The following RRAGC variants were observed in gnomAD, a reference collection of about 807,000 sequenced individuals.
The protein encoded by RRAGC is Ras related GTP binding C.
In RRAGC, 8 loss-of-function variants were observed where a neutral mutation model predicts 37.1. The observed-to-expected ratio is 0.22, with a 90% CI of 0.13 to 0.39. The LOEUF is 0.39. Ranked by LOEUF, RRAGC falls within the 10% of genes least tolerant of loss-of-function variation. The pLI is 1.00. For synonymous variants in RRAGC, 190 were observed against 181.1 expected (o/e 1.05, Z -0.39); for missense variants, 342 against 497.6 (o/e 0.69, Z 2.98).
chr1:38,843,475 C>T (rs1301797322), intron 6 of RRAGC, among the ~76,000 whole-genome samples: 1 of 152,186 alleles, frequency 6.6e-6, no homozygotes, highest in South Asian at 2.1e-4. Flanking sequence ...AATCCCAGCA[C>T]TTTGGGAGGC....
chr1:38,856,334 C>G (rs16825606), intron 2 of RRAGC, among the ~76,000 whole-genome samples: 1,890 of 152,270 alleles, frequency 0.012, 60 homozygotes, highest in African/African-American at 0.044. Flanking sequence ...TGAAGGCACC[C>G]TCTGTAGAGC....
Position 38,849,623 on chromosome 1 carries a change from G to A in RRAGC, c.899+1992C>T, listed in dbSNP as rs1365146974. ...GAACTGCTTGAATCCGGGAGGCAGA[G>A]GTTGCAGTGAGCCCAGATCACACCA... On this transcript the variant is annotated intron_variant, in intron 5 of 6. Coordinates refer to ENST00000373001, the MANE Select transcript of RRAGC (RefSeq NM_022157.4). Among the ~76,000 whole-genome samples the A allele has an allele frequency of 2.6e-5, 4 of 152,142 alleles. No homozygotes were observed. In the South Asian group the frequency reaches 6.2e-4, roughly 24 times the overall value.
At chr1:38,852,294 TGGAAAA>T in intron 4 of RRAGC, 74 bp downstream of exon 4, 1 of 829,070 alleles carries the variant, frequency 1.2e-6, no homozygotes, top group Non-Finnish European at 2.1e-6. Flanking sequence ...AAGACTTTTT[TGGAAAA>T]TTTGAAAACA....
intron 6 of RRAGC, among the ~76,000 whole-genome samples, chr1:38,845,066 G>A (rs994298809): frequency 2.0e-5 from 3 of 152,186 alleles, no homozygotes; most frequent in African/African-American, 7.2e-5. Context: ...AGACAGTGTG[G>A]TGATTCCTCA....
At position 38,846,081 on chromosome 1, in the gene RRAGC, C is replaced by T; in HGVS notation, c.906G>A (p.Lys302=). Reference sequence around the variant, plus strand: ...CATAAGCACTTCCACTTCCATCTTCCTTTAACCTATTTTAAAAGAAAGTAC... The same window carrying T: ...CATAAGCACTTCCACTTCCATCTTCTTTTAACCTATTTTAAAAGAAAGTAC... The part of the protein sequence containing the change: ...VIDVSCIYGL[K]EDGSGSAYDK... Residue 302 remains lysine, a synonymous_variant, in exon 6 of 7, where the codon AAG becomes AAA. Transcript: ENST00000373001. 1 of 1,607,078 alleles carries T rather than the reference C, an allele frequency of 6.2e-7. No individual in the cohort carries two copies. Among genetic ancestry groups the T allele is most frequent in the South Asian group, 1.1e-5 (1 of 89,680 alleles).
chr1:38,856,739 C>A, intron 2 of RRAGC, 140 bp downstream of exon 2: 1 of 719,684 alleles, frequency 1.4e-6, no homozygotes, highest in Non-Finnish European at 2.3e-6. Flanking sequence ...AAGCACTCTG[C>A]AACTGCATCT....
At chr1:38,853,590 A>G (rs1325744993) in intron 3 of RRAGC, among the ~76,000 whole-genome samples, 1 of 152,192 alleles carries the variant, frequency 6.6e-6, no homozygotes, top group Non-Finnish European at 1.5e-5. Context: ...TACTAAAAAT[A>G]CAAAAAATTA....
rs779604320 is a variant in RRAGC, at chr1:38,839,643, AC to A, written c.1109del (p.Gly370ValfsTer2). On this transcript the variant is annotated frameshift_variant, in exon 7 of 7. Coordinates refer to ENST00000373001, the MANE Select transcript of RRAGC (RefSeq NM_022157.4). LOFTEE classifies it high-confidence loss of function. ...RKAIHEVFEV[G>X]VTSHRSCGHQ... ...GACCACAGCTCCTGTGAGAAGTCAC[AC>A]CCACCTCAAAAACCTCATGAATAGC... 3 of 1,614,196 alleles carry A rather than the reference AC, an allele frequency of 1.9e-6. No homozygotes were observed. The East Asian group carries it at 6.7e-5, about 36-fold the overall frequency.
chr1:38,839,184 T>C lies in RRAGC; in HGVS notation c.*369A>G, dbSNP rs1223051990. ...AAGTGAAGCATATAAAAATTCAGTCTTTTCTATTATTTTCAACTGGAATTG... is the reference window on the plus strand; with the variant it reads ...AAGTGAAGCATATAAAAATTCAGTCCTTTCTATTATTTTCAACTGGAATTG... On this transcript the variant is annotated 3_prime_UTR_variant, in exon 7 of 7. Coordinates refer to ENST00000373001, the MANE Select transcript of RRAGC (RefSeq NM_022157.4). 1.1e-5 allele frequency: 2 copies of C among 177,662 alleles called. No homozygotes were observed. The highest frequency in any genetic ancestry group is 6.1e-5 in the Admixed American group (1 of 16,392). 11.0% of individuals were successfully genotyped at this position (177,662 alleles called of 1,614,324 possible). A position where few individuals can be genotyped will look rare whatever the true frequency, so the allele number is the denominator to read the frequency against.
Position 38,838,363 on chromosome 1 carries a change from A to G in RRAGC, c.*1190T>C, listed in dbSNP as rs1641908815. 1 of 152,244 alleles carries G rather than the reference A, an allele frequency of 6.6e-6. No homozygotes were observed. The highest frequency in any genetic ancestry group is 1.5e-5 in the Non-Finnish European group (1 of 68,044). The allele number at this position is 152,244 out of a possible 1,614,324, so 9.4% of individuals were successfully genotyped here. A position where few individuals can be genotyped will look rare whatever the true frequency, so the allele number is the denominator to read the frequency against. On this transcript the variant is annotated 3_prime_UTR_variant, in exon 7 of 7. Transcript: ENST00000373001. ...CCAAGTCACACTGTTAGCTTTACAGACCTGAATATACATATTGCATTAAAC... is the reference window on the plus strand; with the variant it reads ...CCAAGTCACACTGTTAGCTTTACAGGCCTGAATATACATATTGCATTAAAC...
At position 38,859,499 on chromosome 1, in the gene RRAGC, C is replaced by A. The variant is rs1041991009; in HGVS notation, c.148G>T (p.Gly50Cys). The change falls in exon 1 of 7, where the codon GGT (glycine) becomes TGT (cysteine). Residue 50 changes from glycine (G) to cysteine (C), a missense_variant. Transcript: ENST00000373001. ...TCAGCGCCCCCCGGACCACAGCCAC[C>A]GCCTGCCCCTGCCCCAACCCCTCCG... Reference protein sequence around the residue: ...AGGGVGAGAGGGCGPGGADSS... With the variant: ...AGGGVGAGAGCGCGPGGADSS... 3.9e-6 allele frequency: 6 copies of A among 1,547,724 alleles called. No homozygotes were observed. The African/African-American group carries it at 8.2e-5, about 21-fold the overall frequency.
intron 5 of RRAGC, 179 bp downstream of exon 5, chr1:38,851,436 G>T (rs377563069): frequency 6.7e-5 from 31 of 462,064 alleles, no homozygotes; most frequent in African/African-American, 6.3e-4. Flanking sequence ...CTCCGAAGGA[G>T]TAAGACCCAG....
At chr1:38,839,982 T>C (rs1478678144) in intron 6 of RRAGC, among the ~76,000 whole-genome samples, 2 of 151,698 alleles carry the variant, frequency 1.3e-5, no homozygotes, top group Non-Finnish European at 2.9e-5. Context: ...CCGTCTCTAC[T>C]AAAAATACAA....
chr1:38,848,069 A>G (rs1331588540), intron 5 of RRAGC: 1 of 151,196 alleles, frequency 6.6e-6, no homozygotes, highest in Non-Finnish European at 1.5e-5. Context: ...ACTGAAGTTC[A>G]TTAAAAATGA....
Position 38,855,921 on chromosome 1 carries a change from C to T in RRAGC, c.442-14G>A. On this transcript the variant is annotated splice_polypyrimidine_tract_variant and intron_variant, in intron 2 of 6. Transcript: ENST00000373001. Reference sequence around the variant, plus strand: ...CATGTAGTCATCCTGTAAGTCAGAACAAAATATTTTTTAAAATAAATCTTA... The same window carrying T: ...CATGTAGTCATCCTGTAAGTCAGAATAAAATATTTTTTAAAATAAATCTTA... 1 of 1,586,356 alleles carries T rather than the reference C, an allele frequency of 6.3e-7. No individual in the cohort carries two copies. Among genetic ancestry groups the T allele is most frequent in the Non-Finnish European group, 8.6e-7 (1 of 1,162,130 alleles).
chr1:38,850,207 A>AAAAAC (rs1367131308), intron 5 of RRAGC, among the ~76,000 whole-genome samples: 1 of 145,374 alleles, frequency 6.9e-6, no homozygotes, highest in Non-Finnish European at 1.5e-5. Flanking sequence ...CTCTTTTTCA[A>AAAAAC]AAAACAAAAC....
intron 3 of RRAGC, among the ~76,000 whole-genome samples, chr1:38,855,378 C>T (rs193171722): frequency 1.1e-3 from 172 of 152,178 alleles, no homozygotes; most frequent in Non-Finnish European, 1.6e-3. Flanking sequence ...TGATGCAAGG[C>T]GGGGAAAAGT....
At position 38,838,916 on chromosome 1, in the gene RRAGC, T is replaced by C. The variant is rs1641915922; in HGVS notation, c.*637A>G. 1 of 152,232 alleles carries C rather than the reference T, an allele frequency of 6.6e-6. No homozygotes were observed. Among genetic ancestry groups the C allele is most frequent in the African/African-American group, 2.4e-5 (1 of 41,452 alleles). 9.4% of individuals were successfully genotyped at this position (152,232 alleles called of 1,614,324 possible). A position where few individuals can be genotyped will look rare whatever the true frequency, so the allele number is the denominator to read the frequency against. On this transcript the variant is annotated 3_prime_UTR_variant, in exon 7 of 7. Coordinates refer to ENST00000373001, the MANE Select transcript of RRAGC (RefSeq NM_022157.4). ...AAATTTTCTTCCATTTCAAAGTTTT[T>C]TCAATACTTCCGAGGGAACTAATGC...
At chr1:38,846,410 A>C in intron 5 of RRAGC, 1 of 218,088 alleles carries the variant, frequency 4.6e-6, no homozygotes, top group Admixed American at 6.1e-5. Context: ...CTCACCCCCT[A>C]GACTGTGTTC....
Sources: gnomAD v4.1 joint callset for allele counts (sites outside exome capture counted in the v4.1 genomes callset) on GRCh38, gnomAD v4.1.1 for gene constraint, MANE v1.5 for transcripts, NCBI Gene and HGNC (gene_info 2026-07-23, HGNC 2026-07-21) for gene names.